Variants in PKIB observed in about 807,000 individuals in gnomAD.
The protein encoded by PKIB is cAMP-dependent protein kinase inhibitor beta.
In PKIB, 2 loss-of-function variants were observed where a neutral mutation model predicts 4.5. The ratio of observed to expected loss-of-function variants is 0.44; its 90% CI spans 0.18 to 1.39. PKIB has a LOEUF of 1.39. Ranked by LOEUF, PKIB falls within the 40% of genes most tolerant of loss-of-function variation. The pLI is 0.27. For missense variants in PKIB, 94 were observed against 92.6 expected (o/e 1.02, Z -0.06); for synonymous variants, 38 against 36.0 (o/e 1.06, Z -0.20).
chr6:122,547,795 A>AC (rs978230668), intron 2 of PKIB, among the ~76,000 whole-genome samples: 3 of 152,126 alleles, frequency 2.0e-5, no homozygotes, highest in Non-Finnish European at 4.4e-5. Context: ...CCTTTTACAA[A>AC]CAATAGTGGC....
intron 2 of PKIB, among the ~76,000 whole-genome samples, chr6:122,576,362 GC>G (rs1251548495): frequency 6.6e-6 from 1 of 150,974 alleles, no homozygotes; most frequent in Non-Finnish European, 1.5e-5. Context: ...AATACATTAA[GC>G]CTTACACTTA....
chr6:122,722,396 T>TTTTCATCTAATTATTAG (rs1779780735), intron 4 of PKIB, among the ~76,000 whole-genome samples: 1 of 152,116 alleles, frequency 6.6e-6, no homozygotes, highest in Non-Finnish European at 1.5e-5. Context: ...ATCCTGTTAG[T>TTTTCATCTAATTATTAG]TTTCATCTAA....
chr6:122,522,628 G>A (rs879485056), intron 2 of PKIB, among the ~76,000 whole-genome samples: 5 of 152,168 alleles, frequency 3.3e-5, no homozygotes, highest in Admixed American at 3.3e-4. Context: ...GGGCTGGATA[G>A]CTCTGTCCCT....
chr6:122,689,024 G>A (rs1003844193), intron 3 of PKIB, among the ~76,000 whole-genome samples: 42 of 151,820 alleles, frequency 2.8e-4, no homozygotes, highest in Middle Eastern at 3.4e-3. Context: ...CTCGTGACCC[G>A]CCCACCTCGG....
chr6:122,646,212 A>T (rs1470746170), intron 2 of PKIB, among the ~76,000 whole-genome samples: 1 of 152,206 alleles, frequency 6.6e-6, no homozygotes, highest in Non-Finnish European at 1.5e-5. Flanking sequence ...AGAGAAAATT[A>T]TGTGGAAGTT....
At chr6:122,588,159 C>A (rs1368567437) in intron 3 of PKIB, among the ~76,000 whole-genome samples, 3 of 152,068 alleles carry the variant, frequency 2.0e-5, no homozygotes, top group Non-Finnish European at 4.4e-5. Context: ...GGTTTTAGGG[C>A]TGATATTTAA....
At chr6:122,500,309 T>C (rs770392843) in intron 2 of PKIB, among the ~76,000 whole-genome samples, 2 of 152,206 alleles carry the variant, frequency 1.3e-5, no homozygotes, top group Non-Finnish European at 2.9e-5. Context: ...TTTTTTATAT[T>C]AAGTATCCAG....
intron 1 of PKIB, among the ~76,000 whole-genome samples, chr6:122,474,190 G>C (rs1322215690): frequency 6.6e-6 from 1 of 152,134 alleles, no homozygotes; most frequent in Admixed American, 6.6e-5. Flanking sequence ...TCTCTGACTT[G>C]ATTAAGGGCT....
chr6:122,550,384 G>C lies in PKIB; in HGVS notation c.-247-35537G>C, dbSNP rs140812913. On this transcript the variant is annotated intron_variant, in intron 2 of 6. Transcript: ENST00000392491. The stretch of plus-strand genomic sequence containing the variant: ...GATTTTGTTTACATCTATATTTATT[G>C]CTTAAATTATTATGAATATGTGAGT... 1.7e-3 allele frequency among the ~76,000 whole-genome samples: 265 copies of C among 151,972 alleles called. 2 individuals carry two copies. Among genetic ancestry groups the C allele is most frequent in the African/African-American group, 4.7e-3 (193 of 41,426 alleles).
intron 2 of PKIB, among the ~76,000 whole-genome samples, chr6:122,487,054 G>A (rs1775788862): frequency 6.6e-6 from 1 of 152,098 alleles, no homozygotes; most frequent in African/African-American, 2.4e-5. Flanking sequence ...GCATTTTACT[G>A]CATAACCACA....
intron 2 of PKIB, among the ~76,000 whole-genome samples, chr6:122,536,972 C>A (rs1226065379): frequency 1.3e-5 from 2 of 150,366 alleles, no homozygotes; most frequent in African/African-American, 4.9e-5. Context: ...GAAAAAAAAT[C>A]CATATTTCTA....
intron 2 of PKIB, among the ~76,000 whole-genome samples, chr6:122,525,438 T>C (rs1257053430): frequency 6.6e-6 from 1 of 152,180 alleles, no homozygotes; most frequent in Admixed American, 6.6e-5. Flanking sequence ...GAGAAGAATG[T>C]ATATTCTGCT....
At chr6:122,576,026 T>C (rs1279025426) in intron 2 of PKIB, among the ~76,000 whole-genome samples, 1 of 152,276 alleles carries the variant, frequency 6.6e-6, no homozygotes, top group East Asian at 1.9e-4. Context: ...TATGAAACTC[T>C]AGGAAAGACA....
chr6:122,724,752 A>C (rs957577194), intron 4 of PKIB, among the ~76,000 whole-genome samples: 4 of 152,196 alleles, frequency 2.6e-5, no homozygotes, highest in African/African-American at 9.6e-5. Context: ...GCAATCCTGC[A>C]TAGGGAATTG....
At chr6:122,520,661 T>TCCCCCCCC (rs543467489) in intron 2 of PKIB, among the ~76,000 whole-genome samples, 6 of 55,544 alleles carry the variant, frequency 1.1e-4, no homozygotes, top group African/African-American at 2.4e-4. Context: ...AAGTTTATGT[T>TCCCCCCCC]CCCACCCCCC....
intron 3 of PKIB, among the ~76,000 whole-genome samples, chr6:122,594,034 A>G (rs1774092622): frequency 6.6e-6 from 1 of 152,168 alleles, no homozygotes; most frequent in African/African-American, 2.4e-5. Context: ...TCTTCAAATG[A>G]AGACAATAAT....
At chr6:122,538,536 A>G (rs1251831487) in intron 2 of PKIB, among the ~76,000 whole-genome samples, 1 of 152,006 alleles carries the variant, frequency 6.6e-6, no homozygotes, top group Non-Finnish European at 1.5e-5. Context: ...CCATTGATCT[A>G]TATCTCTGTT....
intron 2 of PKIB, among the ~76,000 whole-genome samples, chr6:122,641,944 C>T (rs1432515830): frequency 3.9e-5 from 6 of 152,260 alleles, no homozygotes; most frequent in Admixed American, 1.3e-4. Context: ...CTGCCCAACT[C>T]GGCCTCCCAA....
At chr6:122,588,516 G>T (rs1465341565) in intron 3 of PKIB, among the ~76,000 whole-genome samples, 2 of 152,114 alleles carry the variant, frequency 1.3e-5, no homozygotes, top group African/African-American at 4.8e-5. Flanking sequence ...CACACTACCT[G>T]ACTTCAAACT....
Sources: allele counts gnomAD v4.1 joint callset (sites outside exome capture counted in the v4.1 genomes callset), GRCh38; gene constraint gnomAD v4.1.1; transcripts MANE v1.5; gene names NCBI Gene and HGNC (gene_info 2026-07-23, HGNC 2026-07-21).